Variants in TMCC1 observed in about 807,000 individuals in gnomAD.
TMCC1 encodes the protein transmembrane and coiled-coil domains protein 1.
In TMCC1, 15 loss-of-function variants were observed where a neutral mutation model predicts 52.4. The ratio of observed to expected loss-of-function variants is 0.29; its 90% CI spans 0.19 to 0.44. TMCC1 has a LOEUF of 0.44. TMCC1 is among the 20% of genes least tolerant of loss of function. The pLI is 1.00. For synonymous variants in TMCC1, 279 were observed against 301.9 expected, an observed-to-expected ratio of 0.92 and a Z score of 0.79; for missense variants, 503 against 806.0, an observed-to-expected ratio of 0.62 and a Z score of 4.55.
intron 4 of TMCC1, among the ~76,000 whole-genome samples, chr3:129,764,673 T>C (rs919128057): frequency 6.0e-5 from 9 of 150,598 alleles, no homozygotes; most frequent in Non-Finnish European, 1.0e-4. Context: ...TGTCAAATCA[T>C]CTCGTTGGTT....
intron 2 of TMCC1, among the ~76,000 whole-genome samples, chr3:129,878,104 G>T (rs950889219): frequency 6.6e-6 from 1 of 151,670 alleles, no homozygotes; most frequent in African/African-American, 2.4e-5. Context: ...GATTACGGGC[G>T]CCTACCACCA....
At chr3:129,791,088 A>ATTTTT (rs34048545) in intron 4 of TMCC1, among the ~76,000 whole-genome samples, 2 of 82,968 alleles carry the variant, frequency 2.4e-5, no homozygotes, top group African/African-American at 3.9e-5. Flanking sequence ...ACACTCCATA[A>ATTTTT]TTTTTTTTTT....
At chr3:129,723,953 A>G (rs888744112) in intron 4 of TMCC1, among the ~76,000 whole-genome samples, 1 of 148,942 alleles carries the variant, frequency 6.7e-6, no homozygotes, top group Non-Finnish European at 1.5e-5. Context: ...ACACACACAT[A>G]TACAACATAC....
At chr3:129,891,049 G>A (rs1231503998) in intron 1 of TMCC1, among the ~76,000 whole-genome samples, 2 of 152,190 alleles carry the variant, frequency 1.3e-5, no homozygotes, top group Admixed American at 1.3e-4. Flanking sequence ...GTTCAACACT[G>A]GAAAACAAGA....
chr3:129,662,051 T>C (rs1211267421), intron 5 of TMCC1, among the ~76,000 whole-genome samples: 2 of 152,062 alleles, frequency 1.3e-5, no homozygotes, highest in African/African-American at 4.8e-5. Flanking sequence ...AAAGGGAAGA[T>C]ACATGTTTTA....
chr3:129,687,562 A>G (rs1051747953), intron 4 of TMCC1, among the ~76,000 whole-genome samples: 1 of 152,246 alleles, frequency 6.6e-6, no homozygotes, highest in African/African-American at 2.4e-5. Flanking sequence ...TATAAACAGT[A>G]ACAGAAAAAG....
At chr3:129,664,278 G>C (rs2087274027) in intron 5 of TMCC1, among the ~76,000 whole-genome samples, 1 of 152,052 alleles carries the variant, frequency 6.6e-6, no homozygotes, top group African/African-American at 2.4e-5. Flanking sequence ...AGAATAAAGG[G>C]GCTAAAACAG....
intron 4 of TMCC1, among the ~76,000 whole-genome samples, chr3:129,773,970 T>C (rs920885568): frequency 6.6e-6 from 1 of 152,186 alleles, no homozygotes; most frequent in African/African-American, 2.4e-5. Context: ...AAAATTATTA[T>C]ATTGTATACC....
At chr3:129,719,086 G>C (rs973428272) in intron 4 of TMCC1, among the ~76,000 whole-genome samples, 1 of 152,154 alleles carries the variant, frequency 6.6e-6, no homozygotes, top group Non-Finnish European at 1.5e-5. Flanking sequence ...GCTGATGGTT[G>C]GCAGCTTCAG....
intron 4 of TMCC1, among the ~76,000 whole-genome samples, chr3:129,715,263 A>C (rs529960308): frequency 7.0e-4 from 106 of 152,306 alleles, no homozygotes; most frequent in African/African-American, 2.4e-3. Flanking sequence ...ATCCTACCTT[A>C]AAATGCACTC....
At chr3:129,705,877 C>T (rs1187070181) in intron 4 of TMCC1, among the ~76,000 whole-genome samples, 1 of 139,480 alleles carries the variant, frequency 7.2e-6, no homozygotes, top group African/African-American at 2.7e-5. Context: ...CAGGTGTGAG[C>T]CACCGCGCCC....
At chr3:129,728,179 A>AC (rs2050254176) in intron 4 of TMCC1, among the ~76,000 whole-genome samples, 2 of 152,248 alleles carry the variant, frequency 1.3e-5, no homozygotes, top group Admixed American at 1.3e-4. Context: ...AACAGGTTTA[A>AC]CCTAAAGCAA....
chr3:129,667,397 C>T (rs1450711673), intron 5 of TMCC1, among the ~76,000 whole-genome samples: 2 of 151,886 alleles, frequency 1.3e-5, no homozygotes, highest in Non-Finnish European at 1.5e-5. Context: ...AAATAAAGTA[C>T]AATAGTTGTG....
chr3:129,658,054 A>G (rs1017430291), intron 5 of TMCC1, among the ~76,000 whole-genome samples: 2 of 152,246 alleles, frequency 1.3e-5, no homozygotes, highest in African/African-American at 4.8e-5. Flanking sequence ...GCTGTTCACA[A>G]GTCAAGTATC....
intron 4 of TMCC1, among the ~76,000 whole-genome samples, chr3:129,695,768 T>C (rs1045998258): frequency 4.6e-5 from 7 of 152,160 alleles, no homozygotes; most frequent in African/African-American, 1.2e-4. Flanking sequence ...CCAAATCTCA[T>C]GTCCTCACAT....
intron 4 of TMCC1, among the ~76,000 whole-genome samples, chr3:129,779,825 T>C (rs1193283443): frequency 6.6e-6 from 1 of 152,156 alleles, no homozygotes; most frequent in African/African-American, 2.4e-5. Context: ...TAAAGACTAT[T>C]TCTGGCTTCA....
intron 4 of TMCC1, among the ~76,000 whole-genome samples, chr3:129,740,454 T>C (rs904663105): frequency 6.6e-6 from 1 of 152,208 alleles, no homozygotes; most frequent in Non-Finnish European, 1.5e-5. Context: ...GAATAAAAAT[T>C]GTTCTGCTCT....
At chr3:129,857,784 C>T (rs2060209138) in intron 2 of TMCC1, among the ~76,000 whole-genome samples, 2 of 151,978 alleles carry the variant, frequency 1.3e-5, no homozygotes, top group Non-Finnish European at 2.9e-5. Flanking sequence ...AGGATGGTCT[C>T]GATCTCCTGA....
rs1161285455 is a variant in TMCC1 at position 129,871,094 on chromosome 3, C to T, written c.-184+9215G>A. ...AGGATCTTGCCTGGGCGCGGTGGCT[C>T]ACACCTGTAATCCCAGCACTTTGGA... On this transcript the variant is annotated intron_variant, in intron 2 of 6. Transcript: ENST00000393238. Among the ~76,000 whole-genome samples, 11 of 152,086 alleles carry T rather than the reference C, an allele frequency of 7.2e-5. No individual in the cohort carries two copies. The South Asian group carries it at 2.3e-3, about 32-fold the overall frequency.
Sources: allele counts gnomAD v4.1 joint callset (sites outside exome capture counted in the v4.1 genomes callset), GRCh38; gene constraint gnomAD v4.1.1; transcripts MANE v1.5; gene names NCBI Gene and HGNC (gene_info 2026-07-23, HGNC 2026-07-21).